NMUR2: variants seen among roughly 807,000 people sequenced by gnomAD.
NMUR2 encodes neuromedin-U receptor 2.
In NMUR2, 24 loss-of-function variants were observed where a neutral mutation model predicts 25.1. That is an observed-to-expected ratio of 0.96 (90% CI 0.69 to 1.34). The LOEUF is 1.34. Among genes scored for constraint, NMUR2 ranks in the 40% most tolerant of loss-of-function variants. NMUR2 has a pLI of 0.00. For synonymous variants in NMUR2, 218 were observed against 208.1 expected, an observed-to-expected ratio of 1.05 and a Z score of -0.41; for missense variants, 533 against 512.8, an observed-to-expected ratio of 1.04 and a Z score of -0.38.
intron 2 of NMUR2, among the ~76,000 whole-genome samples, chr5:152,395,994 A>G (rs1356898660): frequency 2.6e-5 from 4 of 152,132 alleles, no homozygotes; most frequent in African/African-American, 9.7e-5. Flanking sequence ...AAATTCTGCA[A>G]TGGGTAGGCA....
chr5:152,402,314 G>C (rs1046524883), intron 1 of NMUR2, among the ~76,000 whole-genome samples: 4 of 152,114 alleles, frequency 2.6e-5, no homozygotes, highest in African/African-American at 9.7e-5. Context: ...AAGGCCCTGC[G>C]ATCAGTGACA....
chr5:152,397,012 G>GTTTTTTTTTTTTTTTTTTT lies in NMUR2; in HGVS notation c.811+1029_811+1047dup, dbSNP rs769998163. On this transcript the variant is annotated intron_variant, in intron 2 of 3. Coordinates refer to ENST00000255262, the MANE Select transcript of NMUR2 (RefSeq NM_020167.5). ...TGACTTTAATATGAGTGAGCTTCAT[G>GTTTTTTTTTTTTTTTTTTT]TTTTTTTTTTTTTTTTTTTGTGAGA... is the stretch of plus-strand genomic sequence containing the variant. 3.0e-4 allele frequency among the ~76,000 whole-genome samples: 32 copies of GTTTTTTTTTTTTTTTTTTT among 105,714 alleles called. 3 individuals are homozygous for GTTTTTTTTTTTTTTTTTTT. Among genetic ancestry groups the GTTTTTTTTTTTTTTTTTTT allele is most frequent in the Non-Finnish European group, 5.5e-4 (27 of 48,792 alleles). The allele number at this position is 105,714 out of a possible 152,430, so 69.4% of individuals were successfully genotyped here.
rs756742436 is a variant in NMUR2, at chr5:152,398,175, A to G, written c.727-31T>C. ...AGGGAAGTAAGTTGGGAGAGATAGT[A>G]AGAAAGAGAAACATTTTTCCTCCTG... is the stretch of plus-strand genomic sequence containing the variant. On this transcript the variant is annotated intron_variant, in intron 1 of 3. Coordinates refer to ENST00000255262, the MANE Select transcript of NMUR2 (RefSeq NM_020167.5). The G allele has an allele frequency of 3.4e-6, 5 of 1,487,012 alleles. No individual in the cohort carries two copies. The South Asian group carries it at 5.8e-5, about 17-fold the overall frequency. 92.1% of individuals were successfully genotyped at this position (1,487,012 alleles called of 1,614,324 possible).
chr5:152,398,255 A>T, intron 1 of NMUR2, 111 bp from the exon 2 acceptor site: 3 of 714,210 alleles, frequency 4.2e-6, no homozygotes, highest in Non-Finnish European at 7.1e-6. Flanking sequence ...AAGAACTGAG[A>T]CCTAGAGAAA....
chr5:152,393,954 A>G (rs1175750883), intron 3 of NMUR2, among the ~76,000 whole-genome samples: 1 of 152,160 alleles, frequency 6.6e-6, no homozygotes, highest in Non-Finnish European at 1.5e-5. Context: ...TATGAATAAA[A>G]ATAATAAAAG....
chr5:152,392,134 A>G lies in NMUR2; in HGVS notation c.*57T>C. The G allele has an allele frequency of 7.1e-7, 1 of 1,399,972 alleles. No individual in the cohort carries two copies. The highest frequency in any genetic ancestry group is 9.9e-7 in the Non-Finnish European group (1 of 1,008,450). 86.7% of individuals were successfully genotyped at this position (1,399,972 alleles called of 1,614,324 possible). A position where few individuals can be genotyped will look rare whatever the true frequency, so the allele number is the denominator to read the frequency against. ...AATATCATATGAGAAGGCATACATTATGGGATGTTCCTCTCTGAAGTTTTG... is the reference window on the plus strand; with the variant it reads ...AATATCATATGAGAAGGCATACATTGTGGGATGTTCCTCTCTGAAGTTTTG... On this transcript the variant is annotated 3_prime_UTR_variant, in exon 4 of 4. Transcript: ENST00000255262.
In NMUR2 at chr5:152,404,674, G is replaced by A. The variant is rs1561699699; in HGVS notation, c.440C>T (p.Ala147Val). The A allele has an allele frequency of 6.2e-7, 1 of 1,614,096 alleles. No individual in the cohort carries two copies. The highest frequency in any genetic ancestry group is 8.5e-7 in the Non-Finnish European group (1 of 1,180,020). Reference sequence around the variant, plus strand: ...TTTGGCGCGGAACGGGTGTAGGATGGCCACGTAGCGCTCCACGCTGACGGT... The same window carrying A: ...TTTGGCGCGGAACGGGTGTAGGATGACCACGTAGCGCTCCACGCTGACGGT... The part of the protein sequence containing the change: ...ITTVSVERYV[A>V]ILHPFRAKLQ... The change falls in exon 1 of 4, where the codon GCC (alanine) becomes GTC (valine). Residue 147 changes from alanine to valine, a missense_variant. Physicochemically the swap from Ala to Val is moderately conservative, Grantham distance 64. Transcript: ENST00000255262.
At chr5:152,401,635 C>T (rs923295579) in intron 1 of NMUR2, among the ~76,000 whole-genome samples, 1 of 152,204 alleles carries the variant, frequency 6.6e-6, no homozygotes, top group Non-Finnish European at 1.5e-5. Context: ...ATGCAGCATG[C>T]AGGAGATGTA....
intron 1 of NMUR2, 135 bp from the exon 2 acceptor site, chr5:152,398,279 C>T: frequency 1.6e-6 from 1 of 641,348 alleles, no homozygotes; most frequent in Non-Finnish European, 2.7e-6. Flanking sequence ...AAGACTACGT[C>T]AAATGTTTAA....
chr5:152,405,266 T>A lies in NMUR2; in HGVS notation c.-153A>T. 1.1e-6 allele frequency: 1 copy of A among 897,494 alleles called. No individual in the cohort carries two copies. Among genetic ancestry groups the A allele is most frequent in the Non-Finnish European group, 1.6e-6 (1 of 609,952 alleles). 55.6% of individuals were successfully genotyped at this position (897,494 alleles called of 1,614,324 possible). Reference sequence around the variant, plus strand: ...GGAAGGCTGGGAGAGAGTGAGTGTTTCACCCTCCAGGTTAGGCTGCCTGGA... The same window carrying A: ...GGAAGGCTGGGAGAGAGTGAGTGTTACACCCTCCAGGTTAGGCTGCCTGGA... On this transcript the variant is annotated 5_prime_UTR_variant, in exon 1 of 4. Coordinates refer to ENST00000255262, the MANE Select transcript of NMUR2 (RefSeq NM_020167.5).
intron 2 of NMUR2, 86 bp downstream of exon 2, chr5:152,397,970 AACCT>A (rs1753189384): frequency 1.2e-6 from 1 of 845,158 alleles, no homozygotes; most frequent in South Asian, 1.5e-5. Context: ...GATAAATTGG[AACCT>A]ACCCCAGCAG....
chr5:152,404,939 C>T lies in NMUR2; in HGVS notation c.175G>A (p.Gly59Arg), dbSNP rs763101734. 3 of 1,613,946 alleles carry T rather than the reference C, an allele frequency of 1.9e-6. No homozygotes were observed. In the South Asian group the frequency reaches 3.3e-5, roughly 18 times the overall value. ...SVVYVPIFVV[G>R]VIGNVLVCLV... ...CACACCAGGACATTGCCAATGACCCCCACCACAAAAATTGGCACATACACC... is the reference window on the plus strand; with the variant it reads ...CACACCAGGACATTGCCAATGACCCTCACCACAAAAATTGGCACATACACC... The change falls in exon 1 of 4, where the codon GGG (glycine) becomes AGG (arginine). Residue 59 changes from glycine (G) to arginine (R), a missense_variant. Physicochemically the swap from Gly to Arg is moderately radical, Grantham distance 125. Coordinates refer to ENST00000255262, the MANE Select transcript of NMUR2 (RefSeq NM_020167.5).
intron 2 of NMUR2, among the ~76,000 whole-genome samples, chr5:152,396,957 G>A (rs1156325171): frequency 1.4e-5 from 2 of 147,722 alleles, no homozygotes; most frequent in Non-Finnish European, 3.0e-5. Context: ...CCATCCCAAC[G>A]CAAATACTTT....
intron 3 of NMUR2, among the ~76,000 whole-genome samples, chr5:152,394,431 C>A (rs1273375997): frequency 2.0e-5 from 3 of 152,170 alleles, no homozygotes; most frequent in Non-Finnish European, 4.4e-5. Flanking sequence ...GTGATCTTAT[C>A]TTTCCTTTCC....
Position 152,405,003 on chromosome 5 carries a change from G to T in NMUR2, c.111C>A (p.Cys37Ter). Residue 37 changes from cysteine to a stop codon, truncating the protein, a stop_gained, in exon 1 of 4, where the codon TGC becomes TGA. Transcript: ENST00000255262. LOFTEE classifies it high-confidence loss of function. ...GGAAGAAGTGGCTGCGCCGAGGTCC[G>T]CAGAGGAAGGCCAGATACTCCTCGG... Reference protein sequence around the residue: ...NSTEEYLAFLCGPRRSHFFLP... With the variant: ...NSTEEYLAFL 1 of 1,613,944 alleles carries T rather than the reference G, an allele frequency of 6.2e-7. No homozygotes were observed. The highest frequency in any genetic ancestry group is 8.5e-7 in the Non-Finnish European group (1 of 1,179,982).
At chr5:152,396,142 AC>A (rs949408838) in intron 2 of NMUR2, among the ~76,000 whole-genome samples, 3 of 152,014 alleles carry the variant, frequency 2.0e-5, no homozygotes, top group African/African-American at 7.3e-5. Context: ...ACCTCCCAAA[AC>A]AGAGACTGGT....
At chr5:152,400,243 G>A (rs1363580699) in intron 1 of NMUR2, among the ~76,000 whole-genome samples, 1 of 152,066 alleles carries the variant, frequency 6.6e-6, no homozygotes, top group African/African-American at 2.4e-5. Context: ...TCTTCATAAA[G>A]TAAAGGATTA....
chr5:152,402,157 A>T (rs73282718), intron 1 of NMUR2, among the ~76,000 whole-genome samples: 6,793 of 152,216 alleles, frequency 0.045, 195 homozygotes, highest in Middle Eastern at 0.11. Context: ...CTACAACAGG[A>T]AACAGGGATG....
Position 152,391,557 on chromosome 5 carries a change from T to A in NMUR2, c.*634A>T, listed in dbSNP as rs1753060510. 1 of 152,272 alleles carries A rather than the reference T, an allele frequency of 6.6e-6. No homozygotes were observed. The highest frequency in any genetic ancestry group is 1.5e-5 in the Non-Finnish European group (1 of 68,158). 9.4% of individuals were successfully genotyped at this position (152,272 alleles called of 1,614,324 possible). A position where few individuals can be genotyped will look rare whatever the true frequency, so the allele number is the denominator to read the frequency against. On this transcript the variant is annotated 3_prime_UTR_variant, in exon 4 of 4. Coordinates refer to ENST00000255262, the MANE Select transcript of NMUR2 (RefSeq NM_020167.5). ...TCACCATAAGCACATATAATAATAA[T>A]CAAGTTTATTGCGAAAATTATGACA...
Sources: gnomAD v4.1 joint callset for allele counts (sites outside exome capture counted in the v4.1 genomes callset) on GRCh38, gnomAD v4.1.1 for gene constraint, MANE v1.5 for transcripts, NCBI Gene and HGNC (gene_info 2026-07-23, HGNC 2026-07-21) for gene names.